The following EFHD1 variants were observed in gnomAD, a reference collection of about 807,000 sequenced individuals.
The protein encoded by EFHD1 is EF-hand domain family member D1, also known as EF-hand domain-containing protein D1.
Under a neutral mutation model 17.2 loss-of-function variants are expected in EFHD1, and 10 were observed. That is an observed-to-expected ratio of 0.58 (90% CI 0.36 to 0.99). EFHD1 has a LOEUF of 0.99. EFHD1 is among the 50% of genes least tolerant of loss of function. EFHD1 has a pLI of 0.01. For missense variants in EFHD1, 310 were observed against 327.5 expected (o/e 0.95, Z 0.41); for synonymous variants, 153 against 142.0 (o/e 1.08, Z -0.55).
At chr2:232,606,719 T>TA (rs34085504) in intron 1 of EFHD1, 18,737 of 101,656 alleles carry the variant, frequency 0.18, 2,012 homozygotes, top group African/African-American at 0.33. Flanking sequence ...CCGTCTCTAC[T>TA]AAAAAAAAAA....
At chr2:232,617,495 T>A (rs914376959) in intron 1 of EFHD1, among the ~76,000 whole-genome samples, 2 of 143,546 alleles carry the variant, frequency 1.4e-5, no homozygotes, top group Non-Finnish European at 3.0e-5. Flanking sequence ...TAAAAAAAAA[T>A]ACAAAAAAAT....
Position 232,682,306 on chromosome 2 carries a change from C to T in EFHD1, c.*587C>T, listed in dbSNP as rs1051996097. ...CACACATTAGAGAAAGGACAGAGGT[C>T]TGCTCCTTCCTGCCACCTTTCTCCT... On this transcript the variant is annotated 3_prime_UTR_variant, in exon 4 of 4. Transcript: ENST00000264059. 2.6e-5 allele frequency: 4 copies of T among 152,540 alleles called. No individual in the cohort carries two copies. Among genetic ancestry groups the T allele is most frequent in the Admixed American group, 1.3e-4 (2 of 15,280 alleles). The allele number at this position is 152,540 out of a possible 1,614,324, so 9.4% of individuals were successfully genotyped here. A position where few individuals can be genotyped will look rare whatever the true frequency, so the allele number is the denominator to read the frequency against.
At chr2:232,606,450 A>T (rs1450494069) in intron 1 of EFHD1, 8 of 567,462 alleles carry the variant, frequency 1.4e-5, no homozygotes, top group Non-Finnish European at 2.2e-5. Flanking sequence ...TGAAGTCCCC[A>T]TCGTCCTCCC....
chr2:232,633,669 G>A lies in EFHD1; in HGVS notation c.-36G>A. On this transcript the variant is annotated 5_prime_UTR_variant, in exon 1 of 4. Transcript: ENST00000264059. ...CCGCCAGCTCCCTGCGTCCCGTCCC[G>A]CGTCCCCGCGTTCCCGCGTCCTGCG... is the stretch of plus-strand genomic sequence containing the variant. 1 of 1,397,802 alleles carries A rather than the reference G, an allele frequency of 7.2e-7. No homozygotes were observed. Among genetic ancestry groups the A allele is most frequent in the Non-Finnish European group, 9.2e-7 (1 of 1,086,748 alleles). 86.6% of individuals were successfully genotyped at this position (1,397,802 alleles called of 1,614,324 possible).
At chr2:232,623,502 C>T (rs1478816821) in intron 1 of EFHD1, among the ~76,000 whole-genome samples, 3 of 150,088 alleles carry the variant, frequency 2.0e-5, no homozygotes, top group African/African-American at 7.4e-5. Context: ...AGTGAAACCG[C>T]GTCTCTACTA....
At chr2:232,673,573 C>T (rs778171709) in intron 3 of EFHD1, among the ~76,000 whole-genome samples, 6 of 152,298 alleles carry the variant, frequency 3.9e-5, no homozygotes, top group Non-Finnish European at 7.3e-5. Flanking sequence ...GAAAACTCTG[C>T]TTCATCCAGA....
At chr2:232,616,706 A>C (rs1226413313) in intron 1 of EFHD1, among the ~76,000 whole-genome samples, 1 of 152,186 alleles carries the variant, frequency 6.6e-6, no homozygotes, top group Admixed American at 6.6e-5. Context: ...TGGGTATTTA[A>C]TGGGTAAGAA....
intron 1 of EFHD1, among the ~76,000 whole-genome samples, chr2:232,628,014 G>A (rs527258501): frequency 1.2e-4 from 18 of 152,260 alleles, no homozygotes; most frequent in East Asian, 1.9e-4. Flanking sequence ...AACATGGAAT[G>A]AAGACTCTGC....
At chr2:232,623,291 C>T (rs1482278146) in intron 1 of EFHD1, among the ~76,000 whole-genome samples, 1 of 152,156 alleles carries the variant, frequency 6.6e-6, no homozygotes, top group Non-Finnish European at 1.5e-5. Flanking sequence ...ATCCATCCTC[C>T]CACTTCAGTC....
chr2:232,661,106 C>T (rs1334924652), intron 1 of EFHD1, among the ~76,000 whole-genome samples: 2 of 151,822 alleles, frequency 1.3e-5, no homozygotes, highest in Non-Finnish European at 2.9e-5. Flanking sequence ...AGAGATCGTG[C>T]AGCTTCACTC....
intron 3 of EFHD1, among the ~76,000 whole-genome samples, chr2:232,679,686 C>A (rs1379339679): frequency 1.3e-5 from 2 of 148,484 alleles, no homozygotes; most frequent in South Asian, 2.1e-4. Flanking sequence ...TGCACTTCAA[C>A]CTCAACCTGG....
intron 1 of EFHD1, among the ~76,000 whole-genome samples, chr2:232,652,991 G>T (rs4973550): frequency 0.62 from 94,021 of 151,736 alleles, 30,103 homozygotes; most frequent in African/African-American, 0.76. Flanking sequence ...GTTTGGTGGG[G>T]TGGTTGGTTT....
chr2:232,648,325 C>G (rs908706212), intron 1 of EFHD1, among the ~76,000 whole-genome samples: 2 of 152,176 alleles, frequency 1.3e-5, no homozygotes, highest in African/African-American at 4.8e-5. Flanking sequence ...TTTTGTATCT[C>G]TGAGTCCCCT....
chr2:232,672,620 C>T (rs376021127), intron 3 of EFHD1, among the ~76,000 whole-genome samples, 177 bp downstream of exon 3: 2 of 152,148 alleles, frequency 1.3e-5, no homozygotes, highest in African/African-American at 2.4e-5. Context: ...TCAGACTCTG[C>T]CTCCTCCATC....
chr2:232,657,898 TC>T (rs1189347436), intron 1 of EFHD1, among the ~76,000 whole-genome samples: 20 of 129,984 alleles, frequency 1.5e-4, no homozygotes, highest in South Asian at 4.9e-4. Context: ...TTCTTTCTTT[TC>T]TTTTTTTTTT....
At chr2:232,640,828 C>T (rs1307653814) in intron 1 of EFHD1, among the ~76,000 whole-genome samples, 1 of 152,152 alleles carries the variant, frequency 6.6e-6, no homozygotes, top group Non-Finnish European at 1.5e-5. Context: ...CAGGGAGGAG[C>T]AGCCACCAAG....
At chr2:232,659,602 A>G (rs1694820458) in intron 1 of EFHD1, among the ~76,000 whole-genome samples, 1 of 152,200 alleles carries the variant, frequency 6.6e-6, no homozygotes, top group South Asian at 2.1e-4. Context: ...CTAGGTGCCC[A>G]CAGGCTACAT....
At chr2:232,610,090 G>A (rs1693784304) in intron 1 of EFHD1, among the ~76,000 whole-genome samples, 1 of 152,236 alleles carries the variant, frequency 6.6e-6, no homozygotes, top group African/African-American at 2.4e-5. Context: ...TACCAGGAGG[G>A]GCTGGGTAGT....
At chr2:232,677,619 AGG>A (rs1695203392) in intron 3 of EFHD1, among the ~76,000 whole-genome samples, 1 of 152,132 alleles carries the variant, frequency 6.6e-6, no homozygotes, top group Admixed American at 6.6e-5. Flanking sequence ...GCTACTCAGG[AGG>A]CTGAATTGGG....
Sources: gnomAD v4.1 joint callset for allele counts (sites outside exome capture counted in the v4.1 genomes callset) on GRCh38, gnomAD v4.1.1 for gene constraint, MANE v1.5 for transcripts, NCBI Gene and HGNC (gene_info 2026-07-23, HGNC 2026-07-21) for gene names.